PEBP1: variants seen among roughly 807,000 people sequenced by gnomAD.
PEBP1 encodes the protein phosphatidylethanolamine binding protein 1.
In PEBP1, 17 loss-of-function variants were observed where a neutral mutation model predicts 22.7. The ratio of observed to expected loss-of-function variants is 0.75; its 90% CI spans 0.51 to 1.12. The LOEUF (loss-of-function observed/expected upper bound fraction) is 1.12, where lower values mean the gene tolerates loss of function less well. PEBP1 is among the 50% of genes most tolerant of loss of function. PEBP1 has a pLI of 0.00. For missense variants in PEBP1, 205 were observed against 243.5 expected (o/e 0.84, Z 1.05); for synonymous variants, 106 against 104.3 (o/e 1.02, Z -0.10).
chr12:118,136,214 C>T lies in PEBP1; in HGVS notation c.5C>T (p.Pro2Leu), dbSNP rs919764035. The change falls in exon 1 of 4, where the codon CCG becomes CTG. Residue 2 changes from proline (P) to leucine (L), a missense_variant. By Grantham distance (98) the Pro-to-Leu change is moderately conservative. Transcript: ENST00000261313. This position sits in a 1 kb window ranked among gnomAD's most constrained non-coding sequence, Gnocchi z 5.6. M[P>L]VDLSKWSGPL... ...CACGCTCTGCTTGGCCTCGCCATGC[C>T]GGTGGACCTCAGCAAGTGGTCCGGG... 3 of 1,545,564 alleles carry T rather than the reference C, an allele frequency of 1.9e-6. No homozygotes were observed. Among genetic ancestry groups the T allele is most frequent in the African/African-American group, 1.4e-5 (1 of 72,870 alleles).
At chr12:118,142,020 A>G (rs1319301968) in intron 3 of PEBP1, among the ~76,000 whole-genome samples, 1 of 152,046 alleles carries the variant, frequency 6.6e-6, no homozygotes, top group African/African-American at 2.4e-5. Context: ...TAGCTTTGAA[A>G]AGAAATTTGG....
chr12:118,137,330 A>C (rs951630735), intron 1 of PEBP1, among the ~76,000 whole-genome samples: 1 of 152,064 alleles, frequency 6.6e-6, no homozygotes, highest in Non-Finnish European at 1.5e-5. Context: ...TACTAGCCCC[A>C]TGGTGTTGTT....
intron 3 of PEBP1, among the ~76,000 whole-genome samples, chr12:118,144,158 A>G (rs755476018): frequency 1.3e-5 from 2 of 151,860 alleles, no homozygotes; most frequent in African/African-American, 4.8e-5. Flanking sequence ...GGTTGCTCCT[A>G]CCTGACAGAA....
chr12:118,144,135 T>C (rs1311898274), intron 3 of PEBP1, among the ~76,000 whole-genome samples: 1 of 152,118 alleles, frequency 6.6e-6, no homozygotes, highest in East Asian at 1.9e-4. Flanking sequence ...ATTGATTTGC[T>C]TTGTCCTTAA....
chr12:118,138,086 G>A lies in PEBP1; in HGVS notation c.183G>A (p.Gly61=). 6.2e-7 allele frequency: 1 copy of A among 1,613,832 alleles called. No homozygotes were observed. Among genetic ancestry groups the A allele is most frequent in the Non-Finnish European group, 8.5e-7 (1 of 1,179,918 alleles). Residue 61 remains glycine, a synonymous_variant, in exon 2 of 4, where the codon GGG becomes GGA. Coordinates refer to ENST00000261313, the MANE Select transcript of PEBP1 (RefSeq NM_002567.4). Reference sequence around the variant, plus strand: ...TTTCGTGGGATGGTCTTGATTCAGGGAAGCTCTACACCTTGGTCCTGACAG... The same window carrying A: ...TTTCGTGGGATGGTCTTGATTCAGGAAAGCTCTACACCTTGGTCCTGACAG... The part of the protein sequence containing the change: ...TSISWDGLDS[G]KLYTLVLTDP...
At chr12:118,142,633 T>C (rs1051786030) in intron 3 of PEBP1, among the ~76,000 whole-genome samples, 13 of 151,896 alleles carry the variant, frequency 8.6e-5, no homozygotes, top group African/African-American at 3.1e-4. Flanking sequence ...CGTGCCACCA[T>C]GTCTGGCTAA....
At position 118,144,936 on chromosome 12, in the gene PEBP1, GT is replaced by G; in HGVS notation, c.*135del. 1 of 1,549,766 alleles carries G rather than the reference GT, an allele frequency of 6.5e-7. No individual in the cohort carries two copies. The highest frequency in any genetic ancestry group is 1.2e-5 in the South Asian group (1 of 85,078). ...GTGAGACCTGACCAGTCAGATGGTA[GT>G]TGAGGGTGACTTTTCCTGCTGCCTG... is the stretch of plus-strand genomic sequence containing the variant. On this transcript the variant is annotated 3_prime_UTR_variant, in exon 4 of 4. Transcript: ENST00000261313.
In PEBP1 at chr12:118,144,814, T is replaced by C; in HGVS notation, c.*11T>C. ...CTGTCTGGGAAGTAGGGGGTTAGCTTGGGGACCTGAACTGTCCTGGAGGCC... is the reference window on the plus strand; with the variant it reads ...CTGTCTGGGAAGTAGGGGGTTAGCTCGGGGACCTGAACTGTCCTGGAGGCC... On this transcript the variant is annotated 3_prime_UTR_variant, in exon 4 of 4. Coordinates refer to ENST00000261313, the MANE Select transcript of PEBP1 (RefSeq NM_002567.4). The C allele has an allele frequency of 6.2e-7, 1 of 1,613,826 alleles. No homozygotes were observed. Among genetic ancestry groups the C allele is most frequent in the Non-Finnish European group, 8.5e-7 (1 of 1,180,030 alleles).
chr12:118,144,932 G>A lies in PEBP1; in HGVS notation c.*129G>A. 1.3e-6 allele frequency: 2 copies of A among 1,550,344 alleles called. No individual in the cohort carries two copies. Among genetic ancestry groups the A allele is most frequent in the South Asian group, 1.2e-5 (1 of 85,124 alleles). ...ATGGGTGAGACCTGACCAGTCAGAT[G>A]GTAGTTGAGGGTGACTTTTCCTGCT... On this transcript the variant is annotated 3_prime_UTR_variant, in exon 4 of 4. Coordinates refer to ENST00000261313, the MANE Select transcript of PEBP1 (RefSeq NM_002567.4).
chr12:118,140,078 T>A (rs958657667), intron 3 of PEBP1, among the ~76,000 whole-genome samples: 4 of 152,132 alleles, frequency 2.6e-5, no homozygotes, highest in Admixed American at 6.6e-5. Flanking sequence ...ACACACATTG[T>A]ATTGTGTAGT....
chr12:118,140,167 T>C (rs1399297126), intron 3 of PEBP1, among the ~76,000 whole-genome samples: 1 of 152,212 alleles, frequency 6.6e-6, no homozygotes, highest in African/African-American at 2.4e-5. Context: ...ATTGAAACTT[T>C]CCAGGTTGGG....
At chr12:118,142,215 CAG>C (rs1181194200) in intron 3 of PEBP1, among the ~76,000 whole-genome samples, 20 of 138,014 alleles carry the variant, frequency 1.4e-4, no homozygotes, top group African/African-American at 4.9e-4. Flanking sequence ...TTTCTTGAGA[CAG>C]AGTCTTGCTC....
intron 1 of PEBP1, among the ~76,000 whole-genome samples, chr12:118,137,302 C>G (rs1376559899): frequency 1.3e-5 from 2 of 152,078 alleles, no homozygotes; most frequent in African/African-American, 4.8e-5. Context: ...ATCTGTTTCT[C>G]TTAATAGTGT....
intron 3 of PEBP1, among the ~76,000 whole-genome samples, chr12:118,141,028 G>A (rs998474347): frequency 2.0e-5 from 3 of 152,002 alleles, no homozygotes; most frequent in Non-Finnish European, 4.4e-5. Flanking sequence ...CATTTCCATC[G>A]CCCAACGACA....
chr12:118,145,194 G>T lies in PEBP1; in HGVS notation c.*391G>T. The stretch of plus-strand genomic sequence containing the variant: ...AAAAAAAAAAAAAAAAAAAAAGATT[G>T]GTTGCCTCTGCCTTTGTGATCCTGA... On this transcript the variant is annotated 3_prime_UTR_variant, in exon 4 of 4. Coordinates refer to ENST00000261313, the MANE Select transcript of PEBP1 (RefSeq NM_002567.4). The T allele has an allele frequency of 2.7e-6, 1 of 371,210 alleles. No homozygotes were observed. The highest frequency in any genetic ancestry group is 5.0e-6 in the Non-Finnish European group (1 of 199,086). 23.0% of individuals were successfully genotyped at this position (371,210 alleles called of 1,614,324 possible). A position where few individuals can be genotyped will look rare whatever the true frequency, so the allele number is the denominator to read the frequency against.
At chr12:118,141,736 A>G (rs376760429) in intron 3 of PEBP1, among the ~76,000 whole-genome samples, 11 of 151,908 alleles carry the variant, frequency 7.2e-5, no homozygotes, top group Non-Finnish European at 1.3e-4. Context: ...TCTGCCTCCA[A>G]AAAAAAAGTA....
chr12:118,142,508 ACT>A (rs1480330073), intron 3 of PEBP1, among the ~76,000 whole-genome samples: 1 of 131,898 alleles, frequency 7.6e-6, no homozygotes, highest in Admixed American at 7.8e-5. Flanking sequence ...TACCATCTTA[ACT>A]CTTTTTTTGA....
At chr12:118,137,109 C>T (rs775194267) in intron 1 of PEBP1, among the ~76,000 whole-genome samples, 41 of 152,198 alleles carry the variant, frequency 2.7e-4, no homozygotes, top group Non-Finnish European at 5.0e-4. Flanking sequence ...CCCTGCCCGC[C>T]TCTCATCACC....
chr12:118,136,463 C>A lies in PEBP1; in HGVS notation c.135+119C>A. 2 of 1,227,932 alleles carry A rather than the reference C, an allele frequency of 1.6e-6. No homozygotes were observed. Among genetic ancestry groups the A allele is most frequent in the South Asian group, 3.2e-5 (2 of 63,286 alleles). The allele number at this position is 1,227,932 out of a possible 1,614,324, so 76.1% of individuals were successfully genotyped here. A position where few individuals can be genotyped will look rare whatever the true frequency, so the allele number is the denominator to read the frequency against. Reference sequence around the variant, plus strand: ...GTGGGGAGGTTCAGCCTGCGTGTGTCGAGGCCCCCCCAGGCCAGAGGTCCC... The same window carrying A: ...GTGGGGAGGTTCAGCCTGCGTGTGTAGAGGCCCCCCCAGGCCAGAGGTCCC... On this transcript the variant is annotated intron_variant, in intron 1 of 3. Transcript: ENST00000261313. This position sits in a 1 kb window ranked among gnomAD's most constrained non-coding sequence, Gnocchi z 5.6.
Sources: gnomAD v4.1 joint callset for allele counts (sites outside exome capture counted in the v4.1 genomes callset) on GRCh38, gnomAD v4.1.1 for gene constraint, Gnocchi (gnomAD v3.1) non-coding constraint, MANE v1.5 for transcripts, NCBI Gene and HGNC (gene_info 2026-07-23, HGNC 2026-07-21) for gene names.